The following PITPNC1 variants were observed in gnomAD, a reference collection of about 807,000 sequenced individuals.
PITPNC1 encodes cytoplasmic phosphatidylinositol transfer protein 1.
PITPNC1 carries 18 observed loss-of-function variants against 44.7 expected under a neutral mutation model. The ratio of observed to expected loss-of-function variants is 0.40; its 90% confidence interval spans 0.28 to 0.60. The LOEUF is 0.60. PITPNC1 is among the 20% of genes least tolerant of loss of function. PITPNC1 has a pLI of 0.39. For synonymous variants in PITPNC1, 141 were observed against 149.6 expected, an observed-to-expected ratio of 0.94 and a Z score of 0.42; for missense variants, 290 against 418.4, an observed-to-expected ratio of 0.69 and a Z score of 2.68.
At chr17:67,632,530 C>G (rs1190525889) in intron 6 of PITPNC1, 1 of 329,214 alleles carries the variant, frequency 3.0e-6, no homozygotes, top group Non-Finnish European at 5.5e-6. Context: ...AACACACTGG[C>G]CTTGCTGAAA....
intron 1 of PITPNC1, among the ~76,000 whole-genome samples, chr17:67,474,737 C>G (rs1437089155): frequency 6.6e-6 from 1 of 152,136 alleles, no homozygotes; most frequent in Admixed American, 6.5e-5. Flanking sequence ...TCATTGCAGC[C>G]TTGACCTCCC....
intron 6 of PITPNC1, among the ~76,000 whole-genome samples, chr17:67,662,105 A>G (rs2042357585): frequency 6.6e-6 from 1 of 152,140 alleles, no homozygotes; most frequent in Non-Finnish European, 1.5e-5. Context: ...TTCAGATTGT[A>G]TTTTTTAAAT....
At chr17:67,566,027 GT>G (rs956537724) in intron 4 of PITPNC1, among the ~76,000 whole-genome samples, 2 of 151,418 alleles carry the variant, frequency 1.3e-5, no homozygotes, top group African/African-American at 4.9e-5. Flanking sequence ...TTTACACTTT[GT>G]TTTTTTAATG....
chr17:67,379,011 C>G (rs1009393334), intron 1 of PITPNC1: 40 of 985,494 alleles, frequency 4.1e-5, no homozygotes, highest in Admixed American at 6.1e-5. Flanking sequence ...TCCTGCGAAG[C>G]CGCGAGCTCC....
chr17:67,569,451 C>T (rs1362117326), intron 4 of PITPNC1, among the ~76,000 whole-genome samples: 1 of 152,236 alleles, frequency 6.6e-6, no homozygotes, highest in Non-Finnish European at 1.5e-5. Flanking sequence ...TGCAGATCCA[C>T]CCGTCACTTC....
intron 1 of PITPNC1, among the ~76,000 whole-genome samples, chr17:67,455,709 T>C (rs1289104442): frequency 6.6e-6 from 1 of 152,136 alleles, no homozygotes; most frequent in Admixed American, 6.5e-5. Context: ...TCCAAAATGC[T>C]GGGATTACAG....
At chr17:67,684,356 G>A (rs1157155639) in intron 8 of PITPNC1, among the ~76,000 whole-genome samples, 4 of 151,756 alleles carry the variant, frequency 2.6e-5, no homozygotes, top group East Asian at 1.9e-4. Context: ...CAGGTGATCC[G>A]CCCATCTCGG....
chr17:67,548,612 A>C (rs2040716735), intron 2 of PITPNC1, among the ~76,000 whole-genome samples: 1 of 152,138 alleles, frequency 6.6e-6, no homozygotes, highest in Non-Finnish European at 1.5e-5. Context: ...TAAAGTGAGT[A>C]AGAAACCAAA....
At chr17:67,378,958 G>A in intron 1 of PITPNC1, 2 of 984,892 alleles carry the variant, frequency 2.0e-6, no homozygotes, top group Non-Finnish European at 2.4e-6. Flanking sequence ...GGCGCGGGGC[G>A]GGGGCTCGTC....
At chr17:67,618,364 C>CAAA (rs11417487) in intron 5 of PITPNC1, among the ~76,000 whole-genome samples, 1,913 of 74,824 alleles carry the variant, frequency 0.026, 158 homozygotes, top group African/African-American at 0.059. Flanking sequence ...GACTCCGTCT[C>CAAA]AAAAAAAAAA....
intron 7 of PITPNC1, among the ~76,000 whole-genome samples, chr17:67,672,372 G>T (rs2042529683): frequency 1.3e-5 from 2 of 151,942 alleles, no homozygotes; most frequent in South Asian, 4.2e-4. Flanking sequence ...GAGGCAGGCA[G>T]ATCACTTGAG....
Position 67,403,218 on chromosome 17 carries a change from CAAAAAAAA to C in PITPNC1, c.48+25032_48+25039del, listed in dbSNP as rs34768084. Among the ~76,000 whole-genome samples, 167 of 68,962 alleles carry C rather than the reference CAAAAAAAA, an allele frequency of 2.4e-3. 1 individual carries two copies. Among genetic ancestry groups the C allele is most frequent in the African/African-American group, 8.5e-3 (163 of 19,118 alleles). The allele number at this position is 68,962 out of a possible 152,430, so 45.2% of individuals were successfully genotyped here. Reference sequence around the variant, plus strand: ...GGCAACACAGTGGACCTCATCTCTACAAAAAAAAAAAAAAAAAAAAAAAGTCATGACTG... The same window carrying C: ...GGCAACACAGTGGACCTCATCTCTACAAAAAAAAAAAAAAAGTCATGACTG... On this transcript the variant is annotated intron_variant, in intron 1 of 8. Coordinates refer to ENST00000581322, the MANE Select transcript of PITPNC1 (RefSeq NM_012417.4).
Position 67,695,505 on chromosome 17 carries a change from T to C in PITPNC1, c.*2617T>C, listed in dbSNP as rs2042995315. 6.6e-6 allele frequency: 1 copy of C among 151,568 alleles called. No homozygotes were observed. Among genetic ancestry groups the C allele is most frequent in the African/African-American group, 2.4e-5 (1 of 41,290 alleles). 9.4% of individuals were successfully genotyped at this position (151,568 alleles called of 1,614,324 possible). A position where few individuals can be genotyped will look rare whatever the true frequency, so the allele number is the denominator to read the frequency against. On this transcript the variant is annotated 3_prime_UTR_variant, in exon 9 of 9. Coordinates refer to ENST00000581322, the MANE Select transcript of PITPNC1 (RefSeq NM_012417.4). ...AGAAAAAAAAAGCAGAAACTTGAATTTGCTAAGCATGTTTGGGGGGAAATA... is the reference window on the plus strand; with the variant it reads ...AGAAAAAAAAAGCAGAAACTTGAATCTGCTAAGCATGTTTGGGGGGAAATA...
Position 67,494,207 on chromosome 17 carries a change from T to TTCTCTCTCTCTCTCTCTCTCTCTCTCTC in PITPNC1, c.49-38592_49-38591insCTCTCTCTCTCTCTCTCTCTCTCTCTCT, listed in dbSNP as rs1384528635. 9.4e-5 allele frequency among the ~76,000 whole-genome samples: 14 copies of TTCTCTCTCTCTCTCTCTCTCTCTCTCTC among 148,768 alleles called. 1 individual carries two copies. Among genetic ancestry groups the TTCTCTCTCTCTCTCTCTCTCTCTCTCTC allele is most frequent in the African/African-American group, 3.3e-4 (13 of 39,518 alleles). ...TCTTTTTCTTTCTTTCTTTCTTTCT[T>TTCTCTCTCTCTCTCTCTCTCTCTCTCTC]TCTTTCTTTTTGAGACGTAGTCTTG... On this transcript the variant is annotated intron_variant, in intron 1 of 8. Transcript: ENST00000581322.
intron 5 of PITPNC1, among the ~76,000 whole-genome samples, chr17:67,587,937 T>C (rs1227030967): frequency 6.6e-6 from 1 of 152,326 alleles, no homozygotes; most frequent in East Asian, 1.9e-4. Flanking sequence ...AGAGGGAATT[T>C]TAGCATTTCA....
At chr17:67,625,515 G>A (rs2041885223) in intron 5 of PITPNC1, among the ~76,000 whole-genome samples, 1 of 152,160 alleles carries the variant, frequency 6.6e-6, no homozygotes, top group African/African-American at 2.4e-5. Flanking sequence ...TTCCTTTGGG[G>A]CCCGGTGAAG....
At chr17:67,650,441 C>CCT (rs2042197101) in intron 6 of PITPNC1, among the ~76,000 whole-genome samples, 1 of 70,984 alleles carries the variant, frequency 1.4e-5, no homozygotes, top group African/African-American at 6.6e-5. Flanking sequence ...AAACCATAGG[C>CCT]TTTTTTTTTT....
At chr17:67,615,120 G>C (rs1598889376) in intron 5 of PITPNC1, among the ~76,000 whole-genome samples, 2 of 152,290 alleles carry the variant, frequency 1.3e-5, no homozygotes, top group South Asian at 4.1e-4. Context: ...CTGCCCTGGG[G>C]AGCAGGGGCC....
intron 1 of PITPNC1, chr17:67,459,700 C>G (rs772924847): frequency 2.0e-5 from 3 of 152,144 alleles, no homozygotes; most frequent in Non-Finnish European, 4.4e-5. Context: ...CATCAAGGTT[C>G]TCCGGGCATC....
Sources: gnomAD v4.1 joint callset for allele counts (sites outside exome capture counted in the v4.1 genomes callset) on GRCh38, gnomAD v4.1.1 for gene constraint, MANE v1.5 for transcripts, NCBI Gene and HGNC (gene_info 2026-07-23, HGNC 2026-07-21) for gene names.